The following CTNND2 variants were observed in gnomAD, a reference collection of about 807,000 sequenced individuals.
CTNND2 encodes catenin delta 2.
In CTNND2, 22 loss-of-function variants were observed where a neutral mutation model predicts 144.4. That is an observed-to-expected ratio of 0.15 (90% CI 0.11 to 0.22). The LOEUF (loss-of-function observed/expected upper bound fraction) is 0.22, where lower values mean the gene tolerates loss of function less well. Among genes scored for constraint, CTNND2 ranks in the 10% least tolerant of loss-of-function variants. The pLI, the probability that CTNND2 is intolerant of heterozygous loss-of-function variation, is 1.00. For synonymous variants in CTNND2, 751 were observed against 695.6 expected (o/e 1.08, Z -1.25); for missense variants, 1,353 against 1,618.8 (o/e 0.84, Z 2.82).
intron 3 of CTNND2, among the ~76,000 whole-genome samples, chr5:11,477,480 T>C (rs1767865311): frequency 6.6e-6 from 1 of 152,064 alleles, no homozygotes; most frequent in Non-Finnish European, 1.5e-5. Flanking sequence ...GGCTTGATCA[T>C]GGCTCACTGT....
intron 5 of CTNND2, among the ~76,000 whole-genome samples, chr5:11,409,284 G>T (rs1241151227): frequency 6.6e-6 from 1 of 151,752 alleles, no homozygotes; most frequent in Non-Finnish European, 1.5e-5. Flanking sequence ...CAAGAATATG[G>T]CCCTCCATAC....
intron 1 of CTNND2, among the ~76,000 whole-genome samples, chr5:11,800,234 G>A (rs1368552411): frequency 6.6e-6 from 1 of 152,080 alleles, no homozygotes; most frequent in African/African-American, 2.4e-5. Context: ...ATCAATTTTG[G>A]TTTTCCCTCT....
At chr5:11,036,155 C>T (rs574069580) in intron 16 of CTNND2, among the ~76,000 whole-genome samples, 148 of 152,034 alleles carry the variant, frequency 9.7e-4, no homozygotes, top group South Asian at 2.9e-3. Context: ...TTGTTACTCT[C>T]GAGTCACTTT....
chr5:11,025,034 G>A (rs921096075), intron 16 of CTNND2, among the ~76,000 whole-genome samples: 1 of 152,200 alleles, frequency 6.6e-6, no homozygotes, highest in East Asian at 1.9e-4. Context: ...CTTTACTGTC[G>A]AGGAAACTCA....
At chr5:11,429,325 T>C (rs1763057895) in intron 3 of CTNND2, among the ~76,000 whole-genome samples, 1 of 152,224 alleles carries the variant, frequency 6.6e-6, no homozygotes, top group African/African-American at 2.4e-5. Context: ...AAATGTTCCA[T>C]GATGTGTTCC....
chr5:11,107,995 T>C lies in CTNND2; in HGVS notation c.2463+2863A>G, dbSNP rs532254374. On this transcript the variant is annotated intron_variant, in intron 14 of 21. Transcript: ENST00000304623. ...CCGAAATAAGACCCACAGAGTCCTT[T>C]GCCCCAGAAAATTCGCTCTCTTTGG... Among the ~76,000 whole-genome samples, 7 of 152,320 alleles carry C rather than the reference T, an allele frequency of 4.6e-5. 1 individual carries two copies. Among genetic ancestry groups the C allele is most frequent in the African/African-American group, 1.7e-4 (7 of 41,576 alleles).
At position 11,157,621 on chromosome 5, in the gene CTNND2, G is replaced by T. The variant is rs148804855; in HGVS notation, c.2159+1955C>A. ...CTGCATAGCAGAAGCAGCACAGGAA[G>T]TCATTTCTTTAATGTGAATAGTGAT... On this transcript the variant is annotated intron_variant, in intron 12 of 21. Coordinates refer to ENST00000304623, the MANE Select transcript of CTNND2 (RefSeq NM_001332.4). Among the ~76,000 whole-genome samples the T allele has an allele frequency of 4.8e-3, 730 of 152,360 alleles. 8 individuals carry two copies. The highest frequency in any genetic ancestry group is 4.4e-3 in the Non-Finnish European group (302 of 68,030).
At chr5:10,994,011 C>T (rs958584645) in intron 18 of CTNND2, among the ~76,000 whole-genome samples, 3 of 151,028 alleles carry the variant, frequency 2.0e-5, no homozygotes, top group African/African-American at 7.3e-5. Context: ...CTTTCCTTTG[C>T]TATAATGTCA....
At chr5:11,641,099 A>C (rs2126501957) in intron 2 of CTNND2, among the ~76,000 whole-genome samples, 1 of 152,296 alleles carries the variant, frequency 6.6e-6, no homozygotes, top group South Asian at 2.1e-4. Context: ...GCGTGTATTC[A>C]AGGTCGTTCT....
intron 16 of CTNND2, among the ~76,000 whole-genome samples, chr5:11,023,592 ATAAC>A (rs1484947017): frequency 6.6e-6 from 1 of 152,226 alleles, no homozygotes; most frequent in Non-Finnish European, 1.5e-5. Flanking sequence ...TTGACAATCT[ATAAC>A]TATGTGTCCT....
At chr5:11,687,646 G>C (rs1329495123) in intron 2 of CTNND2, among the ~76,000 whole-genome samples, 3 of 152,182 alleles carry the variant, frequency 2.0e-5, no homozygotes, top group Admixed American at 6.5e-5. Context: ...CTCACACACA[G>C]ATAATATCTG....
intron 12 of CTNND2, among the ~76,000 whole-genome samples, chr5:11,120,421 G>T (rs1035394505): frequency 8.9e-4 from 135 of 152,192 alleles, no homozygotes; most frequent in Non-Finnish European, 1.8e-3. Flanking sequence ...CTTCAAGAGG[G>T]GGTTATCATA....
chr5:11,199,577 G>A lies in CTNND2; in HGVS notation c.1846C>T (p.Leu616=). Residue 616 remains leucine (L), a synonymous_variant, in exon 11 of 22, where the codon CTG becomes TTG. Transcript: ENST00000304623. The part of the protein sequence containing the change: ...TEVHRSACGA[L]RNLVYGKAND... ...GCCTTCCCATACACCAGGTTTCTCA[G>A]AGCTCCACAGGCACTACGGTGGACT... 1 of 1,614,164 alleles carries A rather than the reference G, an allele frequency of 6.2e-7. No individual in the cohort carries two copies. Among genetic ancestry groups the A allele is most frequent in the Non-Finnish European group, 8.5e-7 (1 of 1,180,036 alleles).
intron 2 of CTNND2, among the ~76,000 whole-genome samples, chr5:11,623,808 G>GTATA (rs58954001): frequency 0.016 from 648 of 40,480 alleles, 16 homozygotes; most frequent in South Asian, 0.024. Context: ...ATGTGTGTAT[G>GTATA]TATATATATA....
intron 1 of CTNND2, among the ~76,000 whole-genome samples, chr5:11,892,772 C>G (rs1737080113): frequency 6.6e-6 from 1 of 151,872 alleles, no homozygotes; most frequent in African/African-American, 2.4e-5. Flanking sequence ...CTGTAAGGAA[C>G]AGCATGTATA....
chr5:11,128,469 G>C (rs1754904620), intron 12 of CTNND2, among the ~76,000 whole-genome samples: 1 of 151,738 alleles, frequency 6.6e-6, no homozygotes, highest in Admixed American at 6.6e-5. Flanking sequence ...GAGAAGCTGT[G>C]GGCTAATGTA....
chr5:11,025,776 G>A (rs1182235983), intron 16 of CTNND2, among the ~76,000 whole-genome samples: 2 of 152,094 alleles, frequency 1.3e-5, no homozygotes, highest in Admixed American at 1.3e-4. Flanking sequence ...TCCATATCCT[G>A]TATTTTCTTT....
intron 5 of CTNND2, among the ~76,000 whole-genome samples, chr5:11,400,713 AAT>A (rs1184993767): frequency 5.9e-5 from 9 of 152,204 alleles, no homozygotes; most frequent in Non-Finnish European, 1.2e-4. Flanking sequence ...CCAATGTCTC[AAT>A]ATGTTTTCAC....
chr5:11,116,073 G>C (rs1320274122), intron 13 of CTNND2, among the ~76,000 whole-genome samples: 2 of 152,208 alleles, frequency 1.3e-5, no homozygotes, highest in Non-Finnish European at 2.9e-5. Context: ...CAAATTACCT[G>C]ATGAACTTTT....
Sources: gnomAD v4.1 joint callset for allele counts (sites outside exome capture counted in the v4.1 genomes callset) on GRCh38, gnomAD v4.1.1 for gene constraint, MANE v1.5 for transcripts, NCBI Gene and HGNC (gene_info 2026-07-23, HGNC 2026-07-21) for gene names.